Variants in GCA observed in about 807,000 individuals in gnomAD.
The protein encoded by GCA is grancalcin.
GCA carries 30 observed loss-of-function variants against 32.6 expected under a neutral mutation model. The observed-to-expected ratio is 0.92, with a 90% CI of 0.69 to 1.25. The LOEUF (loss-of-function observed/expected upper bound fraction) is 1.25. GCA is among the 50% of genes most tolerant of loss of function. GCA has a pLI of 0.00. For synonymous variants in GCA, 102 were observed against 84.6 expected (o/e 1.21, Z -1.13); for missense variants, 291 against 266.8 (o/e 1.09, Z -0.63).
intron 1 of GCA, among the ~76,000 whole-genome samples, chr2:162,321,883 C>CATATATATATAT (rs10529213): frequency 1.4e-5 from 1 of 70,214 alleles, no homozygotes; most frequent in Non-Finnish European, 2.7e-5. Flanking sequence ...AATTTAGTTA[C>CATATATATATAT]ATATATATAT....
downstream of GCA, among the ~76,000 whole-genome samples, chr2:162,365,535 T>G (rs1001583083): frequency 6.6e-6 from 1 of 151,680 alleles, no homozygotes; most frequent in Non-Finnish European, 1.5e-5. Flanking sequence ...TTTGGTAGAT[T>G]GTTTCATTTT....
downstream of GCA, among the ~76,000 whole-genome samples, chr2:162,374,708 A>G (rs1436799588): frequency 6.6e-6 from 1 of 152,120 alleles, no homozygotes; most frequent in Non-Finnish European, 1.5e-5. Flanking sequence ...ATGAGAAAAT[A>G]TCTTCTTTTT....
intron 4 of GCA, among the ~76,000 whole-genome samples, chr2:162,369,969 T>C (rs1397938685): frequency 5.9e-5 from 9 of 152,164 alleles, no homozygotes; most frequent in African/African-American, 1.9e-4. Context: ...AATTGACTGG[T>C]CATTTTGAAT....
downstream of GCA, chr2:162,373,777 G>T: frequency 1.7e-6 from 1 of 575,016 alleles, no homozygotes; most frequent in Non-Finnish European, 2.8e-6. Flanking sequence ...CTTTAAACAA[G>T]AAGGACAGGA....
In GCA at chr2:162,359,568, T is replaced by C. The variant is rs1297222728; in HGVS notation, c.627+16T>C. 2 of 1,402,058 alleles carry C rather than the reference T, an allele frequency of 1.4e-6. No homozygotes were observed. Among genetic ancestry groups the C allele is most frequent in the African/African-American group, 1.4e-5 (1 of 70,024 alleles). The allele number at this position is 1,402,058 out of a possible 1,614,324, so 86.9% of individuals were successfully genotyped here. ...ATATGACGATGTGAGTATCCTGCTT[T>C]TGATATTTATACTGCATTCTAGATA... On this transcript the variant is annotated intron_variant, in intron 7 of 7. Transcript: ENST00000437150.
In GCA at chr2:162,344,914, A is replaced by G. The variant is rs574713208; in HGVS notation, c.27+639A>G. Among the ~76,000 whole-genome samples the G allele has an allele frequency of 8.7e-4, 132 of 152,316 alleles. 1 individual carries two copies. In the South Asian group the frequency reaches 9.9e-3, roughly 11 times the overall value. On this transcript the variant is annotated intron_variant, in intron 1 of 7. Transcript: ENST00000437150. ...TTTAGTATCGATGTCAGTGATCTAC[A>G]CGCTGTGTTAACAGAGTTAACAGTA...
At chr2:162,354,923 T>C (rs1685190599) in intron 3 of GCA, among the ~76,000 whole-genome samples, 1 of 152,224 alleles carries the variant, frequency 6.6e-6, no homozygotes, top group East Asian at 1.9e-4. Context: ...TTTCTTCTTA[T>C]ACATACACAT....
At chr2:162,322,640 G>T (rs548672522) in intron 1 of GCA, among the ~76,000 whole-genome samples, 6 of 142,430 alleles carry the variant, frequency 4.2e-5, no homozygotes, top group Non-Finnish European at 9.0e-5. Flanking sequence ...TCCCACCTAT[G>T]AGTGAGAATA....
downstream of GCA, chr2:162,373,463 C>T (rs1050812723): frequency 2.6e-6 from 4 of 1,513,088 alleles, no homozygotes; most frequent in African/African-American, 5.6e-5. Flanking sequence ...ATGGTATCCA[C>T]ACTTACTTGT....
chr2:162,335,406 C>T (rs1419533673), intron 1 of GCA, among the ~76,000 whole-genome samples: 2 of 139,388 alleles, frequency 1.4e-5, no homozygotes. Flanking sequence ...CAGAGTGAGA[C>T]TCTGTCTCAA....
chr2:162,353,527 C>T (rs1335829994), intron 3 of GCA, among the ~76,000 whole-genome samples: 2 of 152,272 alleles, frequency 1.3e-5, no homozygotes, highest in East Asian at 3.9e-4. Flanking sequence ...TCTAAAAATG[C>T]TTTCATTCTA....
chr2:162,371,337 A>C (rs927031912), exon 5 of GCA: 1 of 1,289,074 alleles, frequency 7.8e-7, no homozygotes, highest in Non-Finnish European at 1.0e-6. Flanking sequence ...AACTTTGAAC[A>C]TCTTGATACA....
At chr2:162,325,999 C>T (rs1329376724) in intron 1 of GCA, among the ~76,000 whole-genome samples, 1 of 152,030 alleles carries the variant, frequency 6.6e-6, no homozygotes, top group Non-Finnish European at 1.5e-5. Flanking sequence ...TAGGAGGGGG[C>T]AAGTGAGAGG....
intron 3 of GCA, among the ~76,000 whole-genome samples, chr2:162,355,685 A>G (rs1685228126): frequency 6.6e-6 from 1 of 151,960 alleles, no homozygotes. Context: ...TGAAAGTGTT[A>G]ATATTTCAAA....
intron 1 of GCA, among the ~76,000 whole-genome samples, chr2:162,337,673 A>G (rs1210761232): frequency 6.6e-6 from 1 of 152,204 alleles, no homozygotes; most frequent in Non-Finnish European, 1.5e-5. Context: ...CGTCATCTAC[A>G]TTAGTACCTA....
chr2:162,367,226 A>G (rs1232245917), downstream of GCA, among the ~76,000 whole-genome samples: 1 of 151,880 alleles, frequency 6.6e-6, no homozygotes, highest in African/African-American at 2.4e-5. Flanking sequence ...GTCCCCTGCC[A>G]TTTCCACCGT....
At chr2:162,346,077 C>T (rs1488352968) in intron 1 of GCA, among the ~76,000 whole-genome samples, 1 of 151,754 alleles carries the variant, frequency 6.6e-6, no homozygotes, top group South Asian at 2.1e-4. Context: ...TAATTGTATA[C>T]GAATAAAAAT....
Position 162,359,146 on chromosome 2 carries a change from G to C in GCA, c.557G>C (p.Arg186Pro). ...TATGTTGCTTGCTGTGTGAAGCTTC[G>C]AGCATTGACAGGTATTGACTATTTA... is the stretch of plus-strand genomic sequence containing the variant. Reference protein sequence around the residue: ...DDYVACCVKLRALTDFFRKRD... With the variant: ...DDYVACCVKLPALTDFFRKRD... The change falls in exon 6 of 8, where the codon CGA becomes CCA. Residue 186 changes from arginine (R) to proline (P), a missense_variant. Transcript: ENST00000437150. 6.3e-7 allele frequency: 1 copy of C among 1,586,940 alleles called. No homozygotes were observed. The highest frequency in any genetic ancestry group is 2.2e-5 in the East Asian group (1 of 44,536).
rs371103030 is a variant in GCA, at chr2:162,344,275, G to A, written c.27G>A (p.Gly9=). 9 of 1,613,660 alleles carry A rather than the reference G, an allele frequency of 5.6e-6. No individual in the cohort carries two copies. The highest frequency in any genetic ancestry group is 6.8e-6 in the Non-Finnish European group (8 of 1,179,832). MAYPGYGG[G]FGNFSIQVPG... ...TGGCCTACCCGGGATACGGAGGAGG[G>A]GTGAGTCCCAGCCGCTTGGTCGTGT... The change falls in exon 1 of 8, where the codon GGG becomes GGA. Residue 9 remains glycine (G), a splice_region_variant and synonymous_variant. Transcript: ENST00000437150.
Sources: gnomAD v4.1 joint callset for allele counts (sites outside exome capture counted in the v4.1 genomes callset) on GRCh38, gnomAD v4.1.1 for gene constraint, MANE v1.5 for transcripts, NCBI Gene and HGNC (gene_info 2026-07-23, HGNC 2026-07-21) for gene names.